STXBP6: variants seen among roughly 807,000 people sequenced by gnomAD.
The protein encoded by STXBP6 is syntaxin-binding protein 6.
Under a neutral mutation model 26.9 loss-of-function variants are expected in STXBP6, and 21 were observed. The ratio of observed to expected loss-of-function variants is 0.78; its 90% confidence interval spans 0.55 to 1.12. The LOEUF (loss-of-function observed/expected upper bound fraction) is 1.12. STXBP6 is among the 50% of genes most tolerant of loss of function. The pLI is 0.00. For missense variants in STXBP6, 232 were observed against 257.9 expected (o/e 0.90, Z 0.69); for synonymous variants, 97 against 92.6 (o/e 1.05, Z -0.27).
chr14:24,829,798 G>A (rs1009373687), intron 4 of STXBP6, among the ~76,000 whole-genome samples: 2 of 151,890 alleles, frequency 1.3e-5, no homozygotes. Context: ...CCCCATGACC[G>A]GCAAGGGGCC....
chr14:24,820,870 A>C lies in STXBP6; in HGVS notation c.452-1676T>G, dbSNP rs990284541. ...TCCCAGTGACTTTTCCTTATTCTCT[A>C]CCTTGTTCTTTGCAGATATGGTGTT... On this transcript the variant is annotated intron_variant, in intron 4 of 5. Transcript: ENST00000323944. Among the ~76,000 whole-genome samples, 8 of 152,224 alleles carry C rather than the reference A, an allele frequency of 5.3e-5. 2 individuals are homozygous for C. Among genetic ancestry groups the C allele is most frequent in the Admixed American group, 3.9e-4 (6 of 15,280 alleles).
intron 2 of STXBP6, among the ~76,000 whole-genome samples, chr14:24,919,440 T>TA (rs59604566): frequency 0.12 from 17,708 of 145,102 alleles, 1,222 homozygotes; most frequent in African/African-American, 0.18. Flanking sequence ...ATGCGAAAAA[T>TA]AAAAAAAAAA....
chr14:24,945,028 GTAAC>G (rs148572294), intron 2 of STXBP6, among the ~76,000 whole-genome samples: 3,150 of 150,830 alleles, frequency 0.021, 90 homozygotes, highest in African/African-American at 0.067. Flanking sequence ...TGCTTATTAA[GTAAC>G]TAATCCATGC....
chr14:24,958,484 T>C (rs891780134), intron 2 of STXBP6, among the ~76,000 whole-genome samples: 2 of 152,132 alleles, frequency 1.3e-5, no homozygotes, highest in African/African-American at 4.8e-5. Context: ...TGGCTCAAGA[T>C]AAAATTAGAT....
intron 1 of STXBP6, among the ~76,000 whole-genome samples, chr14:25,024,891 ACTTT>A (rs951614700): frequency 6.6e-6 from 1 of 152,146 alleles, no homozygotes; most frequent in Non-Finnish European, 1.5e-5. Flanking sequence ...GTCAACTAAA[ACTTT>A]CTTCTGTAAT....
At chr14:24,815,982 T>A (rs993153091) in intron 5 of STXBP6, 3 of 152,140 alleles carry the variant, frequency 2.0e-5, no homozygotes, top group African/African-American at 7.2e-5. Flanking sequence ...TATTTTGAAG[T>A]CAGGGTTGTG....
intron 5 of STXBP6, among the ~76,000 whole-genome samples, chr14:24,815,455 A>G (rs1170866837): frequency 6.7e-6 from 1 of 149,478 alleles, no homozygotes; most frequent in Non-Finnish European, 1.5e-5. Flanking sequence ...TTTATTTTTT[A>G]TAATACTATT....
intron 1 of STXBP6, among the ~76,000 whole-genome samples, chr14:25,045,583 G>A (rs781416708): frequency 2.7e-5 from 4 of 149,252 alleles, no homozygotes; most frequent in Admixed American, 6.7e-5. Context: ...CATTAAATGC[G>A]TTCATACTTT....
At chr14:25,026,931 A>G (rs55945846) in intron 1 of STXBP6, among the ~76,000 whole-genome samples, 1 of 152,250 alleles carries the variant, frequency 6.6e-6, no homozygotes, top group Non-Finnish European at 1.5e-5. Context: ...CAGTGAATAC[A>G]CAGAGCAGGA....
intron 2 of STXBP6, among the ~76,000 whole-genome samples, chr14:24,924,009 C>G (rs1225851748): frequency 6.6e-6 from 1 of 151,980 alleles, no homozygotes; most frequent in Non-Finnish European, 1.5e-5. Flanking sequence ...AACCAATTCC[C>G]ACATATTTTT....
intron 1 of STXBP6, among the ~76,000 whole-genome samples, chr14:25,010,251 A>G (rs1297888801): frequency 2.0e-5 from 3 of 152,242 alleles, no homozygotes; most frequent in African/African-American, 7.2e-5. Context: ...AGCCCAAAGT[A>G]GCCTCTAATC....
At chr14:24,871,675 C>A (rs573170662) in intron 2 of STXBP6, among the ~76,000 whole-genome samples, 3 of 152,314 alleles carry the variant, frequency 2.0e-5, no homozygotes, top group African/African-American at 7.2e-5. Flanking sequence ...TTGCTGCTTT[C>A]AAGCCATGGC....
intron 2 of STXBP6, among the ~76,000 whole-genome samples, chr14:24,937,322 C>G (rs778230256): frequency 6.6e-6 from 1 of 152,146 alleles, no homozygotes; most frequent in Non-Finnish European, 1.5e-5. Flanking sequence ...AATTAAACCA[C>G]GACACACTTT....
intron 1 of STXBP6, among the ~76,000 whole-genome samples, chr14:25,007,058 G>A (rs1370135946): frequency 6.6e-6 from 1 of 152,136 alleles, no homozygotes; most frequent in Non-Finnish European, 1.5e-5. Context: ...AGACTTTCAT[G>A]GTCTATCTCA....
chr14:25,049,377 C>T lies in STXBP6; in HGVS notation c.-33+501G>A, dbSNP rs1360320424. 1.0e-6 allele frequency: 1 copy of T among 985,284 alleles called. No individual in the cohort carries two copies. Among genetic ancestry groups the T allele is most frequent in the African/African-American group, 1.7e-5 (1 of 57,234 alleles). 61.0% of individuals were successfully genotyped at this position (985,284 alleles called of 1,614,324 possible). On this transcript the variant is annotated intron_variant, in intron 1 of 5. Coordinates refer to ENST00000323944, the MANE Select transcript of STXBP6 (RefSeq NM_001394410.1). The surrounding 1 kb of genome is among the most constrained non-coding windows in gnomAD (Gnocchi z 5.6). ...CCGTGCCCGCCAGAAAAGCTCGCCT[C>T]AGTTTTGGCAGTAATGATTTTCCTA...
chr14:25,024,353 T>TA (rs929970998), intron 1 of STXBP6, among the ~76,000 whole-genome samples: 3 of 151,588 alleles, frequency 2.0e-5, no homozygotes, highest in Admixed American at 2.0e-4. Context: ...AAATGTAAAA[T>TA]AAACAAAAAT....
chr14:24,832,244 G>A (rs2068475091), intron 4 of STXBP6, among the ~76,000 whole-genome samples: 1 of 152,006 alleles, frequency 6.6e-6, no homozygotes. Context: ...GGTCATTATT[G>A]CTTTAGACAT....
chr14:24,904,117 G>A (rs762762841), intron 2 of STXBP6, among the ~76,000 whole-genome samples: 30 of 152,128 alleles, frequency 2.0e-4, no homozygotes, highest in Non-Finnish European at 4.0e-4. Flanking sequence ...CAGGAACATC[G>A]CTCTTGTGAG....
At chr14:24,919,425 A>G (rs184237896) in intron 2 of STXBP6, among the ~76,000 whole-genome samples, 342 of 151,198 alleles carry the variant, frequency 2.3e-3, no homozygotes, top group Middle Eastern at 0.02. Flanking sequence ...ATAACTGATA[A>G]ATAAATGCGA....
Sources: allele counts gnomAD v4.1 joint callset (sites outside exome capture counted in the v4.1 genomes callset), GRCh38; gene constraint gnomAD v4.1.1; non-coding constraint Gnocchi (gnomAD v3.1); transcripts MANE v1.5; gene names NCBI Gene and HGNC (gene_info 2026-07-23, HGNC 2026-07-21).